NCOR2: variants seen among roughly 807,000 people sequenced by gnomAD.
The protein encoded by NCOR2 is CTG repeat protein 26.
NCOR2 carries 81 observed loss-of-function variants against 262.9 expected under a neutral mutation model. That is an observed-to-expected ratio of 0.31 (90% CI 0.26 to 0.37). The LOEUF (loss-of-function observed/expected upper bound fraction) is 0.37. Among genes scored for constraint, NCOR2 ranks in the 10% least tolerant of loss-of-function variants. The probability of loss-of-function intolerance (pLI) is 1.00; values close to 1 mark genes in which losing one functional copy is unlikely to be tolerated. For synonymous variants in NCOR2, 1,659 were observed against 1,559.3 expected, an observed-to-expected ratio of 1.06 and a Z score of -1.51; for missense variants, 3,385 against 3,621.4, an observed-to-expected ratio of 0.93 and a Z score of 1.68.
Position 124,337,969 on chromosome 12 carries a change from A to T in NCOR2, c.5688-789T>A, listed in dbSNP as rs61934016. On this transcript the variant is annotated intron_variant, in intron 37 of 46. Coordinates refer to ENST00000405201, the Ensembl canonical transcript of NCOR2. ...CCATTATATTTTTGAATCGGCTGTC[A>T]CGGGCATATCCCACAGAGCCTGTGT... Among the ~76,000 whole-genome samples the T allele has an allele frequency of 3.0e-3, 456 of 152,356 alleles. 1 individual carries two copies. Among genetic ancestry groups the T allele is most frequent in the Non-Finnish European group, 5.6e-3 (384 of 68,034 alleles).
intron 12 of NCOR2, 101 bp downstream of exon 14, chr12:124,422,400 G>A (rs1343839257): frequency 7.1e-7 from 1 of 1,409,868 alleles, no homozygotes; most frequent in African/African-American, 1.4e-5. Flanking sequence ...GGCCAGGCAG[G>A]CCAGGGCCTT....
rs188301101 is a variant in NCOR2, at chr12:124,546,612, A to G, written c.-164-11001T>C. ...GTATTTTTAGTATAGTCAGGGTTTC[A>G]CCATGTTGGCCAGGCTGGTCTCAAA... On this transcript the variant is annotated intron_variant, in intron 1 of 32. Transcript: ENST00000458234. Among the ~76,000 whole-genome samples the G allele has an allele frequency of 1.0e-3, 154 of 152,210 alleles. 1 individual carries two copies. The highest frequency in any genetic ancestry group is 6.8e-3 in the Middle Eastern group (2 of 294).
chr12:124,368,169 C>A (rs2039191230), intron 20 of NCOR2, among the ~76,000 whole-genome samples: 12 of 152,244 alleles, frequency 7.9e-5, no homozygotes, highest in Admixed American at 7.8e-4. Flanking sequence ...CAAGGGCTGT[C>A]CGTGGGTGGG....
At chr12:124,357,926 C>T (rs551418771) in intron 22 of NCOR2, among the ~76,000 whole-genome samples, 31 of 125,324 alleles carry the variant, frequency 2.5e-4, no homozygotes, top group South Asian at 8.3e-4. Context: ...TGCGCACGTG[C>T]GTGCATGTGT....
intron 18 of NCOR2, among the ~76,000 whole-genome samples, chr12:124,376,276 C>T (rs779928374): frequency 2.0e-5 from 3 of 152,202 alleles, no homozygotes; most frequent in East Asian, 1.9e-4. Context: ...CCCGTCCCTA[C>T]GGGGCTACGT....
intron 7 of NCOR2, among the ~76,000 whole-genome samples, chr12:124,445,459 T>C (rs915584024): frequency 6.6e-6 from 1 of 152,152 alleles, no homozygotes; most frequent in African/African-American, 2.4e-5. Context: ...TCCGAAATCG[T>C]CTGTGCGGCA....
rs2051629957 is a variant in NCOR2 at position 124,549,089 on chromosome 12, G to T, written c.-164-13478C>A. ...TAGAGGGGATTTCCCAAGTCTATGG[G>T]GTAAATATTGTCAGGGTGGTTGGGA... On this transcript the variant is annotated intron_variant, in intron 1 of 32. Coordinates refer to the NCOR2 transcript ENST00000458234. The surrounding 1 kb of genome is among the most constrained non-coding windows in gnomAD (Gnocchi z 4.4). 6.6e-6 allele frequency among the ~76,000 whole-genome samples: 1 copy of T among 152,130 alleles called. No homozygotes were observed. Among genetic ancestry groups the T allele is most frequent in the Non-Finnish European group, 1.5e-5 (1 of 68,036 alleles).
intron 4 of NCOR2, among the ~76,000 whole-genome samples, chr12:124,472,683 A>C (rs1274301883): frequency 6.6e-6 from 1 of 152,240 alleles, no homozygotes; most frequent in Admixed American, 6.5e-5. Flanking sequence ...TACGTATATT[A>C]AATAAAAATT....
chr12:124,364,866 T>A (rs1207900512), intron 20 of NCOR2, among the ~76,000 whole-genome samples: 1 of 151,834 alleles, frequency 6.6e-6, no homozygotes, highest in African/African-American at 2.4e-5. Context: ...TGCATTTGGA[T>A]GTATGGAGGC....
Position 124,558,923 on chromosome 12 carries a change from A to G in NCOR2, c.-165+8385T>C, listed in dbSNP as rs1380890070. 3.9e-5 allele frequency among the ~76,000 whole-genome samples: 6 copies of G among 152,064 alleles called. No individual in the cohort carries two copies. The South Asian group carries it at 6.2e-4, about 16-fold the overall frequency. On this transcript the variant is annotated intron_variant, in intron 1 of 32. Coordinates refer to the NCOR2 transcript ENST00000458234. ...CTTTATTATTGCCCAAGGCCATGTC[A>G]CTCAGACCTGTGGGTCCCCCCAGAT...
At chr12:124,470,164 T>G (rs1037149263) in intron 4 of NCOR2, among the ~76,000 whole-genome samples, 2 of 122,474 alleles carry the variant, frequency 1.6e-5, no homozygotes, top group African/African-American at 6.4e-5. Flanking sequence ...AGAATCCATC[T>G]CAGAAAAAAA....
In NCOR2 at chr12:124,566,685, C is replaced by T. The variant is rs2052251280; in HGVS notation, c.-165+623G>A. ...GGCGGCCCAATGAGGCGTCACCAGC[C>T]ACGGGAGGCAGGCCCAGACACCAGG... On this transcript the variant is annotated intron_variant, in intron 1 of 32. Coordinates refer to the NCOR2 transcript ENST00000458234. This position sits in a 1 kb window ranked among gnomAD's most constrained non-coding sequence, Gnocchi z 4.3. 1.3e-5 allele frequency among the ~76,000 whole-genome samples: 2 copies of T among 152,226 alleles called. No individual in the cohort carries two copies. Among genetic ancestry groups the T allele is most frequent in the South Asian group, 4.1e-4 (2 of 4,834 alleles).
At chr12:124,558,956 T>A (rs1168233237) in intron 1 of NCOR2, among the ~76,000 whole-genome samples, 2 of 152,166 alleles carry the variant, frequency 1.3e-5, no homozygotes, top group Non-Finnish European at 2.9e-5. Context: ...GATCCACTCA[T>A]CAGCCCTAAA....
exon 35 of NCOR2, chr12:124,340,641 G>C: frequency 6.7e-7 from 1 of 1,498,008 alleles, no homozygotes; most frequent in African/African-American, 1.4e-5. Flanking sequence ...CTGCTGAAGG[G>C]CTGGGGCGCG....
Position 124,395,417 on chromosome 12 carries a change from C to T in NCOR2, c.1876+2702G>A, listed in dbSNP as rs555360290. Among the ~76,000 whole-genome samples the T allele has an allele frequency of 6.6e-5, 10 of 152,320 alleles. No homozygotes were observed. The East Asian group carries it at 1.2e-3, about 18-fold the overall frequency. On this transcript the variant is annotated intron_variant, in intron 16 of 46. Coordinates refer to ENST00000405201, the Ensembl canonical transcript of NCOR2. ...TAATTGTCCAGATTGCTGTAATTCACGGCAGACGAACATGCTGCTGCTCAC... is the reference window on the plus strand; with the variant it reads ...TAATTGTCCAGATTGCTGTAATTCATGGCAGACGAACATGCTGCTGCTCAC...
chr12:124,552,503 T>C (rs923176738), intron 1 of NCOR2, among the ~76,000 whole-genome samples: 3 of 152,190 alleles, frequency 2.0e-5, no homozygotes, highest in East Asian at 1.9e-4. Flanking sequence ...GAGGGGTCAC[T>C]TAATTCCAAG....
At chr12:124,558,538 T>C (rs1400438171) in intron 1 of NCOR2, among the ~76,000 whole-genome samples, 1 of 152,122 alleles carries the variant, frequency 6.6e-6, no homozygotes, top group Non-Finnish European at 1.5e-5. Context: ...GCGGCTGCAG[T>C]CCCAGGTGGG....
At chr12:124,490,407 CAGATGGAT>C (rs56230553) in intron 1 of NCOR2, among the ~76,000 whole-genome samples, 6,968 of 130,074 alleles carry the variant, frequency 0.054, 225 homozygotes, top group East Asian at 0.17. Context: ...AAGTATTTGC[CAGATGGAT>C]GGATGGATGG....
intron 4 of NCOR2, 22 bp downstream of exon 6, chr12:124,472,930 C>A: frequency 1.9e-6 from 3 of 1,612,966 alleles, no homozygotes; most frequent in Non-Finnish European, 1.7e-6. Context: ...CAAACACTCC[C>A]CCTCCCCCTG....
Sources: gnomAD v4.1 joint callset for allele counts (sites outside exome capture counted in the v4.1 genomes callset) on GRCh38, gnomAD v4.1.1 for gene constraint, Gnocchi (gnomAD v3.1) non-coding constraint, MANE v1.5 for transcripts, NCBI Gene and HGNC (gene_info 2026-07-23, HGNC 2026-07-21) for gene names.